Variants in C2CD3 observed in about 807,000 individuals in gnomAD.
C2CD3 encodes the protein C2 domain-containing protein 3.
In C2CD3, 148 loss-of-function variants were observed where a neutral mutation model predicts 234.0. The observed-to-expected ratio is 0.63, with a 90% confidence interval of 0.55 to 0.72. The LOEUF (loss-of-function observed/expected upper bound fraction) is 0.72, where lower values mean the gene tolerates loss of function less well. C2CD3 is among the 30% of genes least tolerant of loss of function. C2CD3 has a pLI of 0.00. For missense variants in C2CD3, 2,577 were observed against 2,811.5 expected (o/e 0.92, Z 1.89); for synonymous variants, 1,000 against 1,035.4 (o/e 0.97, Z 0.66).
Position 74,150,501 on chromosome 11 carries a change from AAAAAAAAAAAAAAACAAAAAAAAAAC to A in C2CD3, c.484-10699_484-10674del, listed in dbSNP as rs1236493270. On this transcript the variant is annotated intron_variant, in intron 3 of 32. Coordinates refer to ENST00000334126, the MANE Select transcript of C2CD3 (RefSeq NM_001286577.2). Reference sequence around the variant, plus strand: ...GAGCAAGACCCTGTCTCAAAAAAAAAAAAAAAAAAAAAAACAAAAAAAAAACAAAACAAATTTCTAAGCTTTTTAAA... The same window carrying A: ...GAGCAAGACCCTGTCTCAAAAAAAAAAAAACAAATTTCTAAGCTTTTTAAA... 4.0e-3 allele frequency among the ~76,000 whole-genome samples: 457 copies of A among 113,418 alleles called. 21 individuals are homozygous for A. Among genetic ancestry groups the A allele is most frequent in the African/African-American group, 0.016 (434 of 27,938 alleles). The allele number at this position is 113,418 out of a possible 152,430, so 74.4% of individuals were successfully genotyped here. A position where few individuals can be genotyped will look rare whatever the true frequency, so the allele number is the denominator to read the frequency against.
At chr11:74,153,300 G>A (rs1429624812) in intron 3 of C2CD3, among the ~76,000 whole-genome samples, 1 of 152,088 alleles carries the variant, frequency 6.6e-6, no homozygotes, top group Non-Finnish European at 1.5e-5. Flanking sequence ...AAGAAAGAAT[G>A]AAGGAAGAAT....
chr11:74,093,785 T>C (rs1321054246), intron 18 of C2CD3, 31 bp downstream of exon 18: 2 of 1,583,030 alleles, frequency 1.3e-6, no homozygotes, highest in Non-Finnish European at 8.6e-7. Context: ...ACTTCCTTCC[T>C]AGGCATAGGA....
intron 24 of C2CD3, among the ~76,000 whole-genome samples, chr11:74,066,743 G>T (rs1486257368): frequency 6.6e-6 from 1 of 151,842 alleles, no homozygotes; most frequent in Non-Finnish European, 1.5e-5. Flanking sequence ...TTAAGAGACT[G>T]CAGAGACAGA....
intron 3 of C2CD3, 55 bp from the exon 4 acceptor site, chr11:74,139,883 T>G: frequency 2.0e-6 from 2 of 1,001,018 alleles, no homozygotes; most frequent in East Asian, 4.8e-5. Flanking sequence ...TTAACTAATT[T>G]TAAGACTCCC....
At chr11:74,134,919 C>T (rs1957809999) in intron 5 of C2CD3, among the ~76,000 whole-genome samples, 1 of 152,052 alleles carries the variant, frequency 6.6e-6, no homozygotes, top group Non-Finnish European at 1.5e-5. Context: ...CAGATGGTAT[C>T]TTGCTATGTT....
chr11:74,110,357 C>A (rs1956699380), intron 11 of C2CD3, among the ~76,000 whole-genome samples: 1 of 152,028 alleles, frequency 6.6e-6, no homozygotes, highest in Non-Finnish European at 1.5e-5. Flanking sequence ...ACCTACTGAT[C>A]TCTCTATTCA....
chr11:74,066,213 C>T (rs1167762965), intron 24 of C2CD3, among the ~76,000 whole-genome samples: 2 of 123,846 alleles, frequency 1.6e-5, no homozygotes, highest in Non-Finnish European at 3.2e-5. Flanking sequence ...AACCAAACAC[C>T]ACATGTTCTC....
intron 32 of C2CD3, among the ~76,000 whole-genome samples, chr11:74,020,756 G>A (rs1363261829): frequency 6.6e-6 from 1 of 152,206 alleles, no homozygotes; most frequent in Non-Finnish European, 1.5e-5. Flanking sequence ...TCAAGTCTGA[G>A]GTCAAAACTA....
chr11:74,078,642 A>G lies in C2CD3; in HGVS notation c.4076T>C (p.Ile1359Thr), dbSNP rs1403862612. The G allele has an allele frequency of 6.2e-7, 1 of 1,614,054 alleles. No homozygotes were observed. Among genetic ancestry groups the G allele is most frequent in the African/African-American group, 1.3e-5 (1 of 74,924 alleles). ...LPHGLELMQK[I>T]VGGLELSISF... is the part of the protein sequence containing the mutation. ...AATCGAAAGCTCCAGACCACCCACG[A>G]TCTTCTGCATGAGCTCCAGGCCATG... Residue 1359 changes from isoleucine to threonine, a missense_variant, in exon 23 of 33, where the codon ATC (isoleucine) becomes ACC (threonine). By Grantham distance (89) the Ile-to-Thr change is moderately conservative. Coordinates refer to ENST00000334126, the MANE Select transcript of C2CD3 (RefSeq NM_001286577.2).
At chr11:74,140,106 A>G (rs1263981956) in intron 3 of C2CD3, among the ~76,000 whole-genome samples, 13 of 149,326 alleles carry the variant, frequency 8.7e-5, no homozygotes, top group African/African-American at 3.2e-4. Context: ...AATGTCCCCC[A>G]TTCCCTACAG....
rs139079607 is a variant in C2CD3, at chr11:74,131,187, G to A, written c.1217+1657C>T. ...TATTGATATGGTGAGGCCAGGTGCG[G>A]TGGCTCACGCCTGTAATCCCAGCTA... On this transcript the variant is annotated intron_variant, in intron 7 of 32. Transcript: ENST00000334126. Among the ~76,000 whole-genome samples the A allele has an allele frequency of 8.4e-3, 1,279 of 151,712 alleles. 6 individuals are homozygous for A. The highest frequency in any genetic ancestry group is 0.015 in the Non-Finnish European group (1,000 of 67,904).
intron 24 of C2CD3, among the ~76,000 whole-genome samples, chr11:74,068,094 C>A (rs2135453321): frequency 6.6e-6 from 1 of 152,218 alleles, no homozygotes; most frequent in East Asian, 1.9e-4. Flanking sequence ...GTGGTTCCCT[C>A]CTAGAAGTTT....
chr11:74,097,555 G>A (rs748619208), intron 16 of C2CD3, among the ~76,000 whole-genome samples: 1 of 152,198 alleles, frequency 6.6e-6, no homozygotes, highest in Admixed American at 6.5e-5. Flanking sequence ...ATAAACATGA[G>A]AATGTATGTC....
At chr11:74,028,214 C>T in intron 32 of C2CD3, 73 bp downstream of exon 32, 1 of 1,114,244 alleles carries the variant, frequency 9.0e-7, no homozygotes, top group Non-Finnish European at 1.3e-6. Context: ...TGGGGCAGCT[C>T]TGCATTCTGT....
chr11:74,062,576 T>A (rs1434988437), intron 24 of C2CD3, among the ~76,000 whole-genome samples: 1 of 151,920 alleles, frequency 6.6e-6, no homozygotes, highest in Non-Finnish European at 1.5e-5. Context: ...TTGAAACCAA[T>A]GAGAACAAAG....
At chr11:74,136,495 T>C in intron 5 of C2CD3, among the ~76,000 whole-genome samples, 1 of 152,176 alleles carries the variant, frequency 6.6e-6, no homozygotes, top group Middle Eastern at 3.2e-3. Context: ...TACCTTAAAG[T>C]CTGAGACAGT....
chr11:74,100,691 C>T lies in C2CD3; in HGVS notation c.2581-15G>A. Reference sequence around the variant, plus strand: ...ACAGGAATCACCTAAGAGAGAGGAACAACCAAAACAAACAAAAAACTCATA... The same window carrying T: ...ACAGGAATCACCTAAGAGAGAGGAATAACCAAAACAAACAAAAAACTCATA... On this transcript the variant is annotated splice_polypyrimidine_tract_variant and intron_variant, in intron 14 of 32. Transcript: ENST00000334126. 1 of 1,585,850 alleles carries T rather than the reference C, an allele frequency of 6.3e-7. No individual in the cohort carries two copies. The highest frequency in any genetic ancestry group is 1.2e-5 in the South Asian group (1 of 85,860).
intron 9 of C2CD3, 81 bp from the exon 10 acceptor site, chr11:74,114,674 G>A: frequency 1.1e-6 from 1 of 889,046 alleles, no homozygotes; most frequent in Admixed American, 2.0e-5. Context: ...GGCAAGATGA[G>A]GAAAAAGGGA....
chr11:74,046,401 T>G (rs559496802), intron 28 of C2CD3, among the ~76,000 whole-genome samples: 6 of 152,176 alleles, frequency 3.9e-5, no homozygotes, highest in African/African-American at 1.4e-4. Flanking sequence ...TGAAGTGCAG[T>G]GGTGTGATCA....
Sources: gnomAD v4.1 joint callset for allele counts (sites outside exome capture counted in the v4.1 genomes callset) on GRCh38, gnomAD v4.1.1 for gene constraint, MANE v1.5 for transcripts, NCBI Gene and HGNC (gene_info 2026-07-23, HGNC 2026-07-21) for gene names.